Variants in SFI1 observed in about 807,000 individuals in gnomAD.
SFI1 encodes the protein protein SFI1 homolog.
A neutral mutation model predicts 207.5 loss-of-function variants in SFI1; 195 were observed. The observed-to-expected ratio is 0.94, with a 90% CI of 0.84 to 1.06. The LOEUF (loss-of-function observed/expected upper bound fraction) is 1.06, where lower values mean the gene tolerates loss of function less well. Ranked by LOEUF, SFI1 falls within the 50% of genes least tolerant of loss-of-function variation. The pLI, the probability that SFI1 is intolerant of heterozygous loss-of-function variation, is 0.00. For missense variants in SFI1, 1,634 were observed against 1,588.0 expected (o/e 1.03, Z -0.49); for synonymous variants, 630 against 598.9 (o/e 1.05, Z -0.76).
At chr22:31,614,263 C>T (rs2070950416) in intron 27 of SFI1, 1 of 320,740 alleles carries the variant, frequency 3.1e-6, no homozygotes, top group East Asian at 7.0e-5. Flanking sequence ...TGTCAGAAGC[C>T]CCTCTTTCTT....
intron 2 of SFI1, among the ~76,000 whole-genome samples, chr22:31,520,635 A>G (rs1296364953): frequency 2.0e-5 from 3 of 151,990 alleles, no homozygotes; most frequent in Non-Finnish European, 1.5e-5. Flanking sequence ...ATGTTTGTTG[A>G]TATAACTTCT....
intron 27 of SFI1, chr22:31,614,243 A>C (rs187566719): frequency 0.011 from 3,769 of 336,592 alleles, 25 homozygotes; most frequent in Middle Eastern, 0.017. Context: ...CAGCCAAGAC[A>C]CTGGCTTTTT....
chr22:31,611,341 C>T (rs747874372), intron 23 of SFI1, 38 bp downstream of exon 23: 1 of 1,556,476 alleles, frequency 6.4e-7, no homozygotes, highest in Non-Finnish European at 8.7e-7. Context: ...GTTCTGCCTG[C>T]CTGGCAAGGG....
intron 2 of SFI1, among the ~76,000 whole-genome samples, chr22:31,511,777 C>T (rs1052554825): frequency 2.6e-5 from 4 of 151,972 alleles, no homozygotes; most frequent in Non-Finnish European, 4.4e-5. Flanking sequence ...CTTAATCTCC[C>T]GAGTAACTGG....
At chr22:31,522,793 C>T (rs1257127925) in intron 2 of SFI1, among the ~76,000 whole-genome samples, 1 of 151,882 alleles carries the variant, frequency 6.6e-6, no homozygotes, top group Non-Finnish European at 1.5e-5. Context: ...GTAGCTAGGA[C>T]TACAGGCGTG....
rs572888388 is a variant in SFI1 at position 31,543,522 on chromosome 22, G to A, written c.339-3339G>A. Among the ~76,000 whole-genome samples, 3 of 152,216 alleles carry A rather than the reference G, an allele frequency of 2.0e-5. No homozygotes were observed. The East Asian group carries it at 5.8e-4, about 29-fold the overall frequency. ...TTGTAAGCTAGTTTTTAAAAACCGT[G>A]AGTGGAATTGAGCATGGTGGCTCAT... is the stretch of plus-strand genomic sequence containing the variant. On this transcript the variant is annotated intron_variant, in intron 4 of 32. Transcript: ENST00000400288.
At chr22:31,567,031 G>A (rs1281851493) in intron 8 of SFI1, among the ~76,000 whole-genome samples, 5 of 151,920 alleles carry the variant, frequency 3.3e-5, no homozygotes, top group Non-Finnish European at 7.4e-5. Context: ...TCAGCCTCCC[G>A]AGTAGCTGGG....
intron 15 of SFI1, among the ~76,000 whole-genome samples, chr22:31,596,096 T>C (rs920715665): frequency 6.6e-6 from 1 of 151,940 alleles, no homozygotes; most frequent in Non-Finnish European, 1.5e-5. Flanking sequence ...CTACTAAAAA[T>C]ACAAAAATTA....
chr22:31,613,742 C>T lies in SFI1; in HGVS notation c.2883C>T (p.Asn961=), dbSNP rs1438941271. 6.2e-7 allele frequency: 1 copy of T among 1,613,268 alleles called. No individual in the cohort carries two copies. Among genetic ancestry groups the T allele is most frequent in the Non-Finnish European group, 8.5e-7 (1 of 1,179,930 alleles). Residue 961 remains asparagine (N), a synonymous_variant, in exon 27 of 33, where the codon AAC becomes AAT. Coordinates refer to ENST00000400288, the MANE Select transcript of SFI1 (RefSeq NM_001007467.3). The part of the protein sequence containing the change: ...RKVTFEGPLL[N]RIAAGAGDGT... Reference sequence around the variant, plus strand: ...TGACGTTTGAGGGTCCCCTTCTCAACCGCATTGCTGCTGGGGCTGGGGATG... The same window carrying T: ...TGACGTTTGAGGGTCCCCTTCTCAATCGCATTGCTGCTGGGGCTGGGGATG...
At position 31,533,136 on chromosome 22, in the gene SFI1, G is replaced by T. The variant is rs1032401370; in HGVS notation, c.338+2007G>T. ...TTGGTGGTCTCTATCAGTTTGAACT[G>T]TACAGGAGCTAGCCCAGGTTTCCTG... On this transcript the variant is annotated intron_variant, in intron 4 of 32. Transcript: ENST00000400288. Among the ~76,000 whole-genome samples, 4 of 152,182 alleles carry T rather than the reference G, an allele frequency of 2.6e-5. No homozygotes were observed. The South Asian group carries it at 6.2e-4, about 24-fold the overall frequency.
intron 21 of SFI1, 48 bp downstream of exon 21, chr22:31,606,478 G>C (rs764410517): frequency 1.3e-6 from 2 of 1,508,944 alleles, no homozygotes; most frequent in Non-Finnish European, 1.8e-6. Context: ...TTGGGACTGT[G>C]TTCTGGTGAG....
At chr22:31,533,966 A>G (rs2058749629) in intron 4 of SFI1, among the ~76,000 whole-genome samples, 1 of 152,222 alleles carries the variant, frequency 6.6e-6, no homozygotes, top group African/African-American at 2.4e-5. Flanking sequence ...TCATTCAAAT[A>G]CAAATGTATA....
intron 15 of SFI1, among the ~76,000 whole-genome samples, chr22:31,597,390 G>A (rs1258600321): frequency 1.3e-5 from 2 of 152,096 alleles, no homozygotes; most frequent in Non-Finnish European, 2.9e-5. Flanking sequence ...CAGTAAACTT[G>A]GTTTTTTGGA....
At chr22:31,554,466 G>A (rs901839339) in intron 6 of SFI1, among the ~76,000 whole-genome samples, 4 of 151,902 alleles carry the variant, frequency 2.6e-5, no homozygotes, top group African/African-American at 4.8e-5. Flanking sequence ...CCACCACCCC[G>A]CCCGGCTAAT....
intron 17 of SFI1, 119 bp from the exon 18 acceptor site, chr22:31,603,625 A>T (rs2068483481): frequency 4.1e-6 from 3 of 737,274 alleles, no homozygotes; most frequent in Non-Finnish European, 5.9e-6. Flanking sequence ...CTCTTCAGAG[A>T]GGGTCTTGGC....
chr22:31,529,311 G>C (rs751485545), intron 3 of SFI1, among the ~76,000 whole-genome samples: 2 of 152,174 alleles, frequency 1.3e-5, no homozygotes, highest in African/African-American at 2.4e-5. Context: ...ACTTTGGGAG[G>C]CCGAGGCAGG....
intron 24 of SFI1, chr22:31,612,398 A>AAAAAAAT (rs1556369798): frequency 1.7e-4 from 10 of 60,202 alleles, no homozygotes; most frequent in African/African-American, 6.0e-4. Flanking sequence ...AAAAAAAAAA[A>AAAAAAAT]ATATATATAT....
At chr22:31,596,566 G>C (rs143768219) in intron 15 of SFI1, among the ~76,000 whole-genome samples, 1,633 of 152,048 alleles carry the variant, frequency 0.011, 7 homozygotes, top group Middle Eastern at 0.024. Flanking sequence ...TAAGGCAGGT[G>C]GATCACCTGA....
intron 1 of SFI1, among the ~76,000 whole-genome samples, chr22:31,503,566 TTTTG>T (rs2054143523): frequency 6.6e-6 from 1 of 150,894 alleles, no homozygotes; most frequent in Non-Finnish European, 1.5e-5. Context: ...ACCTAATAAT[TTTTG>T]TTTTTCTTGG....
Sources: allele counts gnomAD v4.1 joint callset (sites outside exome capture counted in the v4.1 genomes callset), GRCh38; gene constraint gnomAD v4.1.1; transcripts MANE v1.5; gene names NCBI Gene and HGNC (gene_info 2026-07-23, HGNC 2026-07-21).